Variants in SNTG2 observed in about 807,000 individuals in gnomAD.
SNTG2 encodes the protein syntrophin gamma 2.
Under a neutral mutation model 70.9 loss-of-function variants are expected in SNTG2, and 74 were observed. The ratio of observed to expected loss-of-function variants is 1.04; its 90% CI spans 0.86 to 1.27. SNTG2 has a LOEUF of 1.27. Ranked by LOEUF, SNTG2 falls within the 50% of genes most tolerant of loss-of-function variation. The pLI is 0.00. For missense variants in SNTG2, 717 were observed against 690.7 expected (o/e 1.04, Z -0.43); for synonymous variants, 278 against 273.8 (o/e 1.02, Z -0.15).
intron 6 of SNTG2, among the ~76,000 whole-genome samples, chr2:1,155,280 T>A (rs1258241426): frequency 6.7e-6 from 1 of 148,410 alleles, no homozygotes; most frequent in Non-Finnish European, 1.5e-5. Flanking sequence ...ACACCCCACA[T>A]AACATACACA....
chr2:1,137,147 G>A (rs1668439263), intron 4 of SNTG2, among the ~76,000 whole-genome samples: 1 of 152,186 alleles, frequency 6.6e-6, no homozygotes, highest in Non-Finnish European at 1.5e-5. Context: ...TCCTTATGAA[G>A]TGGCCGCCTA....
intron 14 of SNTG2, among the ~76,000 whole-genome samples, chr2:1,286,946 G>A (rs1040196863): frequency 3.9e-5 from 6 of 152,234 alleles, no homozygotes; most frequent in African/African-American, 7.2e-5. Context: ...AGGCAGACAT[G>A]CTCCTGTGCA....
intron 1 of SNTG2, among the ~76,000 whole-genome samples, chr2:987,985 C>A (rs1661380287): frequency 6.6e-6 from 1 of 152,228 alleles, no homozygotes; most frequent in Non-Finnish European, 1.5e-5. Flanking sequence ...TGCCCAGATG[C>A]AGCTTCTTCC....
chr2:1,151,197 GCT>G (rs759946314), intron 6 of SNTG2, among the ~76,000 whole-genome samples: 58 of 19,678 alleles, frequency 2.9e-3, no homozygotes, highest in Non-Finnish European at 8.5e-3. Flanking sequence ...GTGGAAATGA[GCT>G]CTGTCTTCAG....
At chr2:1,243,417 G>A (rs1677175689) in intron 11 of SNTG2, among the ~76,000 whole-genome samples, 1 of 150,498 alleles carries the variant, frequency 6.6e-6, no homozygotes, top group African/African-American at 2.5e-5. Flanking sequence ...GAGTAACTCT[G>A]CTCAATCAGA....
At chr2:1,020,074 C>G (rs529603907) in intron 1 of SNTG2, among the ~76,000 whole-genome samples, 2 of 152,266 alleles carry the variant, frequency 1.3e-5, no homozygotes, top group South Asian at 4.2e-4. Context: ...CACAGAAACA[C>G]TATGGGCCAC....
intron 1 of SNTG2, among the ~76,000 whole-genome samples, chr2:1,023,695 G>A (rs542623100): frequency 1.3e-5 from 2 of 152,308 alleles, no homozygotes; most frequent in South Asian, 4.1e-4. Flanking sequence ...CTCCGTCACT[G>A]TGCCACTGTC....
At chr2:1,351,779 C>T (rs1049178282) in intron 16 of SNTG2, among the ~76,000 whole-genome samples, 1 of 152,184 alleles carries the variant, frequency 6.6e-6, no homozygotes, top group African/African-American at 2.4e-5. Context: ...TGTCTCTGAC[C>T]TGGTTGTTCC....
intron 8 of SNTG2, among the ~76,000 whole-genome samples, chr2:1,197,443 C>T (rs1471290552): frequency 2.6e-5 from 3 of 117,416 alleles, no homozygotes; most frequent in Non-Finnish European, 5.4e-5. Context: ...AATACACATG[C>T]ACCCAATTTC....
At chr2:954,586 C>G (rs1317802464) in intron 1 of SNTG2, among the ~76,000 whole-genome samples, 1 of 152,194 alleles carries the variant, frequency 6.6e-6, no homozygotes, top group Non-Finnish European at 1.5e-5. Context: ...CACTTTCCCC[C>G]AGTCCATACT....
At chr2:1,152,602 GTGTA>G (rs1252565945) in intron 6 of SNTG2, among the ~76,000 whole-genome samples, 2 of 127,952 alleles carry the variant, frequency 1.6e-5, no homozygotes, top group Non-Finnish European at 3.1e-5. Context: ...ATGTGCATGT[GTGTA>G]TGTGTGCACA....
intron 14 of SNTG2, among the ~76,000 whole-genome samples, chr2:1,287,482 G>A (rs776862057): frequency 1.3e-5 from 2 of 152,180 alleles, no homozygotes; most frequent in Non-Finnish European, 2.9e-5. Context: ...GCTGAACTGT[G>A]AACATGCCCC....
intron 15 of SNTG2, among the ~76,000 whole-genome samples, chr2:1,313,581 A>G (rs192986169): frequency 8.9e-4 from 135 of 152,350 alleles, no homozygotes; most frequent in Non-Finnish European, 1.4e-3. Context: ...TAATGGAAAA[A>G]CAAGTTCCTT....
chr2:1,179,763 G>A (rs12473792), intron 8 of SNTG2, among the ~76,000 whole-genome samples: 28,663 of 137,898 alleles, frequency 0.21, 3,362 homozygotes, highest in East Asian at 0.38. Context: ...CGCCAAGTCA[G>A]TCCTAAGCCA....
At chr2:974,832 C>G (rs1023796090) in intron 1 of SNTG2, among the ~76,000 whole-genome samples, 7 of 152,166 alleles carry the variant, frequency 4.6e-5, no homozygotes, top group African/African-American at 1.7e-4. Flanking sequence ...TGCTTTTACA[C>G]TCTCTGACAT....
intron 13 of SNTG2, among the ~76,000 whole-genome samples, chr2:1,262,358 A>C (rs1397063101): frequency 1.3e-5 from 2 of 152,164 alleles, no homozygotes; most frequent in African/African-American, 2.4e-5. Flanking sequence ...CCATCCTTCC[A>C]CAGGGACAGG....
At chr2:1,289,353 T>G (rs1400050332) in intron 14 of SNTG2, among the ~76,000 whole-genome samples, 2 of 151,988 alleles carry the variant, frequency 1.3e-5, no homozygotes, top group African/African-American at 2.4e-5. Context: ...CTGCGTGCAC[T>G]CAGCAGGAGC....
At chr2:1,208,135 C>T (rs576549239) in intron 8 of SNTG2, among the ~76,000 whole-genome samples, 40 of 152,314 alleles carry the variant, frequency 2.6e-4, no homozygotes, top group African/African-American at 8.4e-4. Flanking sequence ...GAGCCCGGAG[C>T]TCAGGGCTGG....
At chr2:1,351,652 C>T (rs1321922157) in intron 16 of SNTG2, among the ~76,000 whole-genome samples, 8 of 152,190 alleles carry the variant, frequency 5.3e-5, no homozygotes, top group Non-Finnish European at 1.2e-4. Flanking sequence ...CGCATCCAGC[C>T]GGGCTCAACA....
Sources: gnomAD v4.1 joint callset for allele counts (sites outside exome capture counted in the v4.1 genomes callset) on GRCh38, gnomAD v4.1.1 for gene constraint, MANE v1.5 for transcripts, NCBI Gene and HGNC (gene_info 2026-07-23, HGNC 2026-07-21) for gene names.